The following PDF variants were observed in gnomAD, a reference collection of about 807,000 sequenced individuals.
PDF encodes peptide deformylase-like protein.
PDF carries 31 observed loss-of-function variants against 20.3 expected under a neutral mutation model. The observed-to-expected ratio is 1.52, with a 90% CI of 1.15 to 2.06. The LOEUF (loss-of-function observed/expected upper bound fraction) is 2.06. PDF is among the 30% of genes most tolerant of loss of function. The pLI is 0.00. For synonymous variants in PDF, 254 were observed against 172.0 expected, an observed-to-expected ratio of 1.48 and a Z score of -3.73; for missense variants, 447 against 362.5, an observed-to-expected ratio of 1.23 and a Z score of -1.89.
rs1174751763 is a variant in PDF at position 69,330,020 on chromosome 16, C to A, written c.551G>T (p.Arg184Leu). The A allele has an allele frequency of 6.5e-6, 10 of 1,540,512 alleles. No homozygotes were observed. Among genetic ancestry groups the A allele is most frequent in the African/African-American group, 4.2e-5 (3 of 71,276 alleles). ...ACCTGAGATCTGCACCGCCTGGAAGCGGGGCACGCAGGCCAGGAAGCCGGC... is the reference window on the plus strand; with the variant it reads ...ACCTGAGATCTGCACCGCCTGGAAGAGGGGCACGCAGGCCAGGAAGCCGGC... ...SVAGFLACVP[R>L]FQAVQISGLD... The change falls in exon 1 of 2, where the codon CGC becomes CTC. Residue 184 changes from arginine to leucine, a missense_variant. Transcript: ENST00000288022.
In PDF at chr16:69,330,293, T is replaced by C; in HGVS notation, c.278A>G (p.Gln93Arg). 1 of 1,429,878 alleles carries C rather than the reference T, an allele frequency of 7.0e-7. No individual in the cohort carries two copies. Among genetic ancestry groups the C allele is most frequent in the South Asian group, 1.4e-5 (1 of 69,904 alleles). The allele number at this position is 1,429,878 out of a possible 1,614,324, so 88.6% of individuals were successfully genotyped here. ...ERAQLGGPEL[Q>R]RLTQRLVQVM... ...CTGGACCAGCCGTTGCGTCAGCCGC[T>C]GCAGCTCGGGCCCGCCTAGCTGCGC... Residue 93 changes from glutamine (Q) to arginine (R), a missense_variant, in exon 1 of 2, where the codon CAG becomes CGG. Physicochemically the swap from Gln to Arg is conservative, Grantham distance 43. Transcript: ENST00000288022.
intron 1 of PDF, among the ~76,000 whole-genome samples, chr16:69,329,422 G>C (rs1965711605): frequency 6.6e-6 from 1 of 152,238 alleles, no homozygotes; most frequent in South Asian, 2.1e-4. Flanking sequence ...GCTGAGATGA[G>C]AAATCATCTT....
chr16:69,330,300 C>T lies in PDF; in HGVS notation c.271G>A (p.Glu91Lys). 7.0e-7 allele frequency: 1 copy of T among 1,431,962 alleles called. No homozygotes were observed. Among genetic ancestry groups the T allele is most frequent in the Non-Finnish European group, 9.1e-7 (1 of 1,101,986 alleles). The allele number at this position is 1,431,962 out of a possible 1,614,324, so 88.7% of individuals were successfully genotyped here. A position where few individuals can be genotyped will look rare whatever the true frequency, so the allele number is the denominator to read the frequency against. ...AGCCGTTGCGTCAGCCGCTGCAGCTCGGGCCCGCCTAGCTGCGCCCGCTCC... is the reference window on the plus strand; with the variant it reads ...AGCCGTTGCGTCAGCCGCTGCAGCTTGGGCCCGCCTAGCTGCGCCCGCTCC... ...PVERAQLGGP[E>K]LQRLTQRLVQ... The change falls in exon 1 of 2, where the codon GAG becomes AAG. Residue 91 changes from glutamate to lysine, a missense_variant. Glu to Lys is a moderately conservative substitution (Grantham distance 56, BLOSUM62 1). Transcript: ENST00000288022.
At chr16:69,329,956 G>C in intron 1 of PDF, 41 bp downstream of exon 1, 1 of 1,491,804 alleles carries the variant, frequency 6.7e-7, no homozygotes. Flanking sequence ...CAGAAGAGAC[G>C]CGCGCGCTGC....
Position 69,330,386 on chromosome 16 carries a change from G to A in PDF, c.185C>T (p.Pro62Leu), listed in dbSNP as rs2011705069. 3.4e-6 allele frequency: 5 copies of A among 1,479,198 alleles called. No homozygotes were observed. Among genetic ancestry groups the A allele is most frequent in the South Asian group, 2.5e-5 (2 of 78,644 alleles). The allele number at this position is 1,479,198 out of a possible 1,614,324, so 91.6% of individuals were successfully genotyped here. A position where few individuals can be genotyped will look rare whatever the true frequency, so the allele number is the denominator to read the frequency against. Residue 62 changes from proline (P) to leucine (L), a missense_variant, in exon 1 of 2, where the codon CCG becomes CTG. By Grantham distance (98) the Pro-to-Leu change is moderately conservative. Transcript: ENST00000288022. Reference sequence around the variant, plus strand: ...GACTTGGCACACGTGCGAGAACGGCGGTTCGGGAGGACCCAGCACCAGACG... The same window carrying A: ...GACTTGGCACACGTGCGAGAACGGCAGTTCGGGAGGACCCAGCACCAGACG... The part of the protein sequence containing the change: ...LRRLVLGPPE[P>L]PFSHVCQVGD...
Position 69,328,820 on chromosome 16 carries a change from G to C in PDF, c.*202C>G. ...CTTTGGGGGTGATTTTTCTCCTCAA[G>C]TTGTAGCCAACATTTTGTCCGTAAC... On this transcript the variant is annotated 3_prime_UTR_variant, in exon 2 of 2. Transcript: ENST00000288022. The C allele has an allele frequency of 1.5e-6, 1 of 656,738 alleles. No homozygotes were observed. Among genetic ancestry groups the C allele is most frequent in the Non-Finnish European group, 2.5e-6 (1 of 404,498 alleles). 40.7% of individuals were successfully genotyped at this position (656,738 alleles called of 1,614,324 possible). A position where few individuals can be genotyped will look rare whatever the true frequency, so the allele number is the denominator to read the frequency against.
rs1466500352 is a variant in PDF at position 69,327,328 on chromosome 16, C to G, written c.*1694G>C. 2.6e-5 allele frequency: 4 copies of G among 152,102 alleles called. No homozygotes were observed. The highest frequency in any genetic ancestry group is 4.1e-4 in the South Asian group (2 of 4,836). The allele number at this position is 152,102 out of a possible 1,614,324, so 9.4% of individuals were successfully genotyped here. A position where few individuals can be genotyped will look rare whatever the true frequency, so the allele number is the denominator to read the frequency against. ...GATTACAGGCGCCTACCAGCACACC[C>G]AGCTAATTTTCATATTTTTAGTAGA... On this transcript the variant is annotated 3_prime_UTR_variant, in exon 2 of 2. Coordinates refer to ENST00000288022, the MANE Select transcript of PDF (RefSeq NM_022341.2).
Position 69,329,047 on chromosome 16 carries a change from AC to A in PDF, c.706del (p.Val236SerfsTer4). The part of the protein sequence containing the change: ...DKMDSRTFTN[V>X]YWMKVND ...TTAGTCATTCACCTTCATCCAATAG[AC>A]GTTTGTGAACGTCCTGCTGTCCATT... On this transcript the variant is annotated frameshift_variant, in exon 2 of 2. Coordinates refer to ENST00000288022, the MANE Select transcript of PDF (RefSeq NM_022341.2). LOFTEE classifies it high-confidence loss of function. 6.2e-7 allele frequency: 1 copy of A among 1,610,714 alleles called. No individual in the cohort carries two copies. Among genetic ancestry groups the A allele is most frequent in the South Asian group, 1.1e-5 (1 of 90,578 alleles).
In PDF at chr16:69,328,780, A is replaced by C. The variant is rs1965683008; in HGVS notation, c.*242T>G. Reference sequence around the variant, plus strand: ...CCACCTTCCTCCATACAGAATTGTTAGGAAATGTCCACTCCTTTGGGGGTG... The same window carrying C: ...CCACCTTCCTCCATACAGAATTGTTCGGAAATGTCCACTCCTTTGGGGGTG... On this transcript the variant is annotated 3_prime_UTR_variant, in exon 2 of 2. Transcript: ENST00000288022. The C allele has an allele frequency of 2.0e-6, 1 of 504,798 alleles. No homozygotes were observed. Among genetic ancestry groups the C allele is most frequent in the Non-Finnish European group, 3.4e-6 (1 of 291,728 alleles). 31.3% of individuals were successfully genotyped at this position (504,798 alleles called of 1,614,324 possible). A position where few individuals can be genotyped will look rare whatever the true frequency, so the allele number is the denominator to read the frequency against.
chr16:69,329,113 T>C lies in PDF; in HGVS notation c.641A>G (p.His214Arg). The change falls in exon 2 of 2, where the codon CAC becomes CGC. Residue 214 changes from histidine (H) to arginine (R), a missense_variant. Transcript: ENST00000288022. ...GCAGCCCTGCAGGTGGTCCATCTCG[T>C]GCTGGATGATGCGGGCTGCCCACCC... ...ASGWAARIIQHEMDHLQGCLF... is the reference protein window; with the variant it reads ...ASGWAARIIQREMDHLQGCLF... 6.2e-7 allele frequency: 1 copy of C among 1,611,024 alleles called. No individual in the cohort carries two copies. Among genetic ancestry groups the C allele is most frequent in the Non-Finnish European group, 8.5e-7 (1 of 1,179,432 alleles).
At position 69,328,613 on chromosome 16, in the gene PDF, C is replaced by T; in HGVS notation, c.*409G>A. 1.1e-5 allele frequency: 2 copies of T among 186,964 alleles called. No individual in the cohort carries two copies. The highest frequency in any genetic ancestry group is 9.7e-5 in the South Asian group (1 of 10,332). 11.6% of individuals were successfully genotyped at this position (186,964 alleles called of 1,614,324 possible). A position where few individuals can be genotyped will look rare whatever the true frequency, so the allele number is the denominator to read the frequency against. ...GCCCTCCGTAAAAATAAGAACTCGGCACAAATGGCCAGTCACATGCTTACC... is the reference window on the plus strand; with the variant it reads ...GCCCTCCGTAAAAATAAGAACTCGGTACAAATGGCCAGTCACATGCTTACC... On this transcript the variant is annotated 3_prime_UTR_variant, in exon 2 of 2. Coordinates refer to ENST00000288022, the MANE Select transcript of PDF (RefSeq NM_022341.2).
Position 69,328,210 on chromosome 16 carries a change from T to G in PDF, c.*812A>C, listed in dbSNP as rs1347099880. The G allele has an allele frequency of 6.6e-6, 1 of 152,212 alleles. No homozygotes were observed. The highest frequency in any genetic ancestry group is 1.5e-5 in the Non-Finnish European group (1 of 68,076). The allele number at this position is 152,212 out of a possible 1,614,324, so 9.4% of individuals were successfully genotyped here. ...ATCCACCCGCCCCGCCCTCCCAAAG[T>G]GCTGGGATTACAGGCGTGAACCACT... is the stretch of plus-strand genomic sequence containing the variant. On this transcript the variant is annotated 3_prime_UTR_variant, in exon 2 of 2. Coordinates refer to ENST00000288022, the MANE Select transcript of PDF (RefSeq NM_022341.2).
intron 1 of PDF, among the ~76,000 whole-genome samples, chr16:69,329,422 GA>G (rs1965711674): frequency 1.3e-5 from 2 of 152,238 alleles, no homozygotes; most frequent in South Asian, 4.1e-4. Context: ...GCTGAGATGA[GA>G]AATCATCTTT....
rs753873449 is a variant in PDF, at chr16:69,329,092, C to T, written c.662G>A (p.Gly221Asp). 1 of 1,611,894 alleles carries T rather than the reference C, an allele frequency of 6.2e-7. No individual in the cohort carries two copies. The highest frequency in any genetic ancestry group is 8.5e-7 in the Non-Finnish European group (1 of 1,179,538). Reference protein sequence around the residue: ...IIQHEMDHLQGCLFIDKMDSR... With the variant: ...IIQHEMDHLQDCLFIDKMDSR... ...GTCCATTTTGTCAATAAACAGGCAG[C>T]CCTGCAGGTGGTCCATCTCGTGCTG... Residue 221 changes from glycine (G) to aspartate (D), a missense_variant, in exon 2 of 2, where the codon GGC (glycine) becomes GAC (aspartate). Physicochemically the swap from Gly to Asp is moderately conservative, Grantham distance 94. Transcript: ENST00000288022.
intron 1 of PDF, 89 bp from the exon 2 acceptor site, chr16:69,329,268 TC>T: frequency 1.5e-6 from 2 of 1,375,162 alleles, no homozygotes; most frequent in Middle Eastern, 2.6e-4. Context: ...TCCTGGCTGT[TC>T]CCATTGACAA....
rs1248239829 is a variant in PDF at position 69,329,126 on chromosome 16, G to C, written c.628C>G (p.Arg210Gly). The C allele has an allele frequency of 4.4e-6, 7 of 1,609,132 alleles. No homozygotes were observed. Among genetic ancestry groups the C allele is most frequent in the Non-Finnish European group, 5.1e-6 (6 of 1,179,006 alleles). Residue 210 changes from arginine (R) to glycine (G), a missense_variant, in exon 2 of 2, where the codon CGC becomes GGC. Arg to Gly is a moderately radical substitution (Grantham distance 125, BLOSUM62 -2). Transcript: ENST00000288022. ...VVWQASGWAA[R>G]IIQHEMDHLQ... ...TGGTCCATCTCGTGCTGGATGATGC[G>C]GGCTGCCCACCCGCTCGCCTGCCAC... is the stretch of plus-strand genomic sequence containing the variant.
intron 1 of PDF, 29 bp from the exon 2 acceptor site, chr16:69,329,208 T>G: frequency 6.4e-7 from 1 of 1,552,786 alleles, no homozygotes; most frequent in African/African-American, 1.4e-5. Context: ...CCCTGGTGAG[T>G]GGGAACAGCT....
At position 69,327,570 on chromosome 16, in the gene PDF, GTTCAT is replaced by G. The variant is rs561395692; in HGVS notation, c.*1447_*1451del. 7.2e-5 allele frequency: 11 copies of G among 152,114 alleles called. No individual in the cohort carries two copies. Among genetic ancestry groups the G allele is most frequent in the African/African-American group, 2.4e-4 (10 of 41,474 alleles). 9.4% of individuals were successfully genotyped at this position (152,114 alleles called of 1,614,324 possible). The stretch of plus-strand genomic sequence containing the variant: ...ACAAAGGAGGATGGGTCTTTCCTGG[GTTCAT>G]TTAACTGCCATTTATAACACTTTTT... On this transcript the variant is annotated 3_prime_UTR_variant, in exon 2 of 2. Coordinates refer to ENST00000288022, the MANE Select transcript of PDF (RefSeq NM_022341.2).
Position 69,330,216 on chromosome 16 carries a change from G to A in PDF, c.355C>T (p.Pro119Ser). ...AGCTCCAGCGCCAGCACCTGCCGCG[G>A]CACCCCCAGCTGCGGCGCGCTTAGG... ...VGLSAPQLGV[P>S]RQVLALELPE... The change falls in exon 1 of 2, where the codon CCG becomes TCG. Residue 119 changes from proline (P) to serine (S), a missense_variant. Physicochemically the swap from Pro to Ser is moderately conservative, Grantham distance 74. Coordinates refer to ENST00000288022, the MANE Select transcript of PDF (RefSeq NM_022341.2). The A allele has an allele frequency of 6.9e-7, 1 of 1,451,608 alleles. No individual in the cohort carries two copies. 89.9% of individuals were successfully genotyped at this position (1,451,608 alleles called of 1,614,324 possible). A position where few individuals can be genotyped will look rare whatever the true frequency, so the allele number is the denominator to read the frequency against.
Sources: allele counts gnomAD v4.1 joint callset (sites outside exome capture counted in the v4.1 genomes callset), GRCh38; gene constraint gnomAD v4.1.1; transcripts MANE v1.5; gene names NCBI Gene and HGNC (gene_info 2026-07-23, HGNC 2026-07-21).